Variants in MAP2K5 observed in about 807,000 individuals in gnomAD.
MAP2K5 encodes mitogen-activated protein kinase kinase 5, also known as dual specificity mitogen-activated protein kinase kinase 5.
MAP2K5 carries 49 observed loss-of-function variants against 83.1 expected under a neutral mutation model. The observed-to-expected ratio is 0.59, with a 90% confidence interval of 0.47 to 0.75. The LOEUF (loss-of-function observed/expected upper bound fraction) is 0.75, where lower values mean the gene tolerates loss of function less well. Among genes scored for constraint, MAP2K5 ranks in the 30% least tolerant of loss-of-function variants. The pLI is 0.00. For synonymous variants in MAP2K5, 202 were observed against 191.8 expected, an observed-to-expected ratio of 1.05 and a Z score of -0.44; for missense variants, 457 against 557.5, an observed-to-expected ratio of 0.82 and a Z score of 1.82.
At chr15:67,616,716 A>T (rs987333177) in intron 8 of MAP2K5, among the ~76,000 whole-genome samples, 3 of 152,166 alleles carry the variant, frequency 2.0e-5, no homozygotes, top group Non-Finnish European at 2.9e-5. Context: ...TAGGGAGCAA[A>T]ATAACCATCA....
At position 67,543,211 on chromosome 15, in the gene MAP2K5, T is replaced by A; in HGVS notation, c.-125T>A. ...CTCCCCTCTTCCCTCCCCCTCATCC[T>A]CCATTCCCTTGTTTTCACCCTCTGT... On this transcript the variant is annotated 5_prime_UTR_variant, in exon 1 of 22. Coordinates refer to ENST00000178640, the MANE Select transcript of MAP2K5 (RefSeq NM_145160.3). This position sits in a 1 kb window ranked among gnomAD's most constrained non-coding sequence, Gnocchi z 4.3. 1.0e-5 allele frequency: 9 copies of A among 873,540 alleles called. No homozygotes were observed. The highest frequency in any genetic ancestry group is 1.7e-5 in the African/African-American group (1 of 59,922). 54.1% of individuals were successfully genotyped at this position (873,540 alleles called of 1,614,324 possible). A position where few individuals can be genotyped will look rare whatever the true frequency, so the allele number is the denominator to read the frequency against.
chr15:67,603,289 T>C (rs2085702873), intron 8 of MAP2K5, among the ~76,000 whole-genome samples: 1 of 152,182 alleles, frequency 6.6e-6, no homozygotes, highest in Admixed American at 6.5e-5. Flanking sequence ...ACTTCTCCTT[T>C]AATTAGGGCT....
chr15:67,806,170 A>G (rs1314729107), intron 21 of MAP2K5, among the ~76,000 whole-genome samples: 1 of 152,172 alleles, frequency 6.6e-6, no homozygotes, highest in Non-Finnish European at 1.5e-5. Flanking sequence ...ACTTCTTTTT[A>G]TAGGAGAGCT....
rs2090353238 is a variant in MAP2K5, at chr15:67,782,925, C to T, written c.1242+10173C>T. Among the ~76,000 whole-genome samples the T allele has an allele frequency of 1.3e-5, 2 of 152,240 alleles. No homozygotes were observed. The highest frequency in any genetic ancestry group is 4.8e-5 in the African/African-American group (2 of 41,456). On this transcript the variant is annotated intron_variant, in intron 21 of 21. Transcript: ENST00000178640. This position sits in a 1 kb window ranked among gnomAD's most constrained non-coding sequence, Gnocchi z 4.9. The stretch of plus-strand genomic sequence containing the variant: ...CAGAAACGGCCCCCTTTTCAGCTCT[C>T]CTGTGCAGGCAGCAGTGCTGCATCA...
intron 2 of MAP2K5, among the ~76,000 whole-genome samples, chr15:67,558,556 A>G (rs2084672704): frequency 6.6e-6 from 1 of 152,204 alleles, no homozygotes. Flanking sequence ...ATCTCACTCC[A>G]AAGTAAAAGA....
rs1317302171 is a variant in MAP2K5, at chr15:67,636,303, G to A, written c.585+5376G>A. 6.6e-6 allele frequency among the ~76,000 whole-genome samples: 1 copy of A among 151,948 alleles called. No homozygotes were observed. Among genetic ancestry groups the A allele is most frequent in the African/African-American group, 2.4e-5 (1 of 41,354 alleles). ...GGCGCTTGTAGTCCCAGCTACTCAG[G>A]AGGCTGAAGCAGGAGAATGGCGTGA... On this transcript the variant is annotated intron_variant, in intron 9 of 21. Coordinates refer to ENST00000178640, the MANE Select transcript of MAP2K5 (RefSeq NM_145160.3). The surrounding 1 kb of genome is among the most constrained non-coding windows in gnomAD (Gnocchi z 4.7).
intron 13 of MAP2K5, among the ~76,000 whole-genome samples, chr15:67,675,779 C>T (rs931928142): frequency 1.3e-5 from 2 of 152,172 alleles, no homozygotes; most frequent in African/African-American, 4.8e-5. Flanking sequence ...TTGTCCTGGA[C>T]TTAGTTTTTC....
chr15:67,715,359 T>G (rs1164088569), intron 16 of MAP2K5, among the ~76,000 whole-genome samples: 1 of 152,236 alleles, frequency 6.6e-6, no homozygotes, highest in Admixed American at 6.5e-5. Context: ...AGCTGTCTCA[T>G]ATTACCATGC....
At chr15:67,627,403 C>G (rs2086351511) in intron 8 of MAP2K5, among the ~76,000 whole-genome samples, 1 of 152,120 alleles carries the variant, frequency 6.6e-6, no homozygotes, top group African/African-American at 2.4e-5. Flanking sequence ...ATGAAATATA[C>G]TTGAATTTCT....
At chr15:67,767,019 C>CAA (rs2090053179) in intron 19 of MAP2K5, among the ~76,000 whole-genome samples, 4 of 152,070 alleles carry the variant, frequency 2.6e-5, no homozygotes, top group Non-Finnish European at 5.9e-5. Flanking sequence ...GTGATTCTTT[C>CAA]CAGGGACCAC....
Position 67,543,501 on chromosome 15 carries a change from G to C in MAP2K5, c.135+31G>C, listed in dbSNP as rs1247213821. On this transcript the variant is annotated intron_variant, in intron 1 of 21. Transcript: ENST00000178640. This position sits in a 1 kb window ranked among gnomAD's most constrained non-coding sequence, Gnocchi z 4.3. ...TGGTAATCTCAGTGTCCGGATGCCAGCAAGGGGGACTCAGGGACTTGAGTA... is the reference window on the plus strand; with the variant it reads ...TGGTAATCTCAGTGTCCGGATGCCACCAAGGGGGACTCAGGGACTTGAGTA... 1.2e-6 allele frequency: 2 copies of C among 1,613,136 alleles called. No individual in the cohort carries two copies. Among genetic ancestry groups the C allele is most frequent in the Non-Finnish European group, 1.7e-6 (2 of 1,179,480 alleles).
intron 13 of MAP2K5, among the ~76,000 whole-genome samples, chr15:67,667,919 G>A (rs2087427339): frequency 6.6e-6 from 1 of 152,188 alleles, no homozygotes; most frequent in Non-Finnish European, 1.5e-5. Context: ...AGTGAGGACT[G>A]TAGAGTAGAA....
In MAP2K5 at chr15:67,575,419, G is replaced by A. The variant is rs1052582105; in HGVS notation, c.253-5335G>A. On this transcript the variant is annotated intron_variant, in intron 3 of 21. Transcript: ENST00000178640. ...GGTTGTTGCCAAAGAAAGAGCCAGA[G>A]GTCACCTAGGTCACCCATCAGCACA... 5.9e-5 allele frequency among the ~76,000 whole-genome samples: 9 copies of A among 152,066 alleles called. No individual in the cohort carries two copies. In the East Asian group the frequency reaches 1.5e-3, roughly 26 times the overall value.
chr15:67,573,237 T>C lies in MAP2K5; in HGVS notation c.253-7517T>C, dbSNP rs945101959. On this transcript the variant is annotated intron_variant, in intron 3 of 21. Transcript: ENST00000178640. This position sits in a 1 kb window ranked among gnomAD's most constrained non-coding sequence, Gnocchi z 4.2. ...CTGGTTCAAATGCCTCTAACAACAT[T>C]GCTATAAAGAGCTATTTGAGACTGG... Among the ~76,000 whole-genome samples, 3 of 152,082 alleles carry C rather than the reference T, an allele frequency of 2.0e-5. No individual in the cohort carries two copies. The highest frequency in any genetic ancestry group is 7.3e-5 in the African/African-American group (3 of 41,372).
At chr15:67,694,094 T>C (rs1433715243) in intron 15 of MAP2K5, among the ~76,000 whole-genome samples, 3 of 152,182 alleles carry the variant, frequency 2.0e-5, no homozygotes, top group Admixed American at 1.3e-4. Context: ...TGTAAGATTA[T>C]TTAGTTGCAC....
Position 67,573,650 on chromosome 15 carries a change from A to T in MAP2K5, c.253-7104A>T, listed in dbSNP as rs2084994314. Reference sequence around the variant, plus strand: ...GGGCCGCAGCCCCAGGAAGTCAGGCATTCTTAGTTACAGGATGTTTAGAGT... The same window carrying T: ...GGGCCGCAGCCCCAGGAAGTCAGGCTTTCTTAGTTACAGGATGTTTAGAGT... On this transcript the variant is annotated intron_variant, in intron 3 of 21. Transcript: ENST00000178640. This position sits in a 1 kb window ranked among gnomAD's most constrained non-coding sequence, Gnocchi z 4.2. Among the ~76,000 whole-genome samples the T allele has an allele frequency of 6.6e-6, 1 of 152,206 alleles. No individual in the cohort carries two copies. The highest frequency in any genetic ancestry group is 1.5e-5 in the Non-Finnish European group (1 of 68,026).
intron 13 of MAP2K5, among the ~76,000 whole-genome samples, chr15:67,681,628 C>T (rs1312635070): frequency 6.6e-6 from 1 of 152,192 alleles, no homozygotes; most frequent in Non-Finnish European, 1.5e-5. Context: ...GCCAAGATAG[C>T]TTAAACCCAA....
chr15:67,631,028 T>C, intron 9 of MAP2K5, 101 bp downstream of exon 9: 2 of 945,042 alleles, frequency 2.1e-6, no homozygotes, highest in South Asian at 1.5e-5. Context: ...ATGAAATGGC[T>C]TAAGGTTTAG....
At chr15:67,623,839 C>T (rs1320081684) in intron 8 of MAP2K5, among the ~76,000 whole-genome samples, 3 of 151,828 alleles carry the variant, frequency 2.0e-5, no homozygotes, top group African/African-American at 4.8e-5. Flanking sequence ...TCAGGTGATA[C>T]GCCCACCTGG....
Sources: allele counts gnomAD v4.1 joint callset (sites outside exome capture counted in the v4.1 genomes callset), GRCh38; gene constraint gnomAD v4.1.1; non-coding constraint Gnocchi (gnomAD v3.1); transcripts MANE v1.5; gene names NCBI Gene and HGNC (gene_info 2026-07-23, HGNC 2026-07-21).